INPP4B: variants seen among roughly 807,000 people sequenced by gnomAD.
INPP4B encodes inositol polyphosphate-4-phosphatase type II B.
In INPP4B, 55 loss-of-function variants were observed where a neutral mutation model predicts 122.5. The observed-to-expected ratio is 0.45, with a 90% CI of 0.36 to 0.56. The LOEUF is 0.56. Ranked by LOEUF, INPP4B falls within the 20% of genes least tolerant of loss-of-function variation. INPP4B has a pLI of 0.00. For synonymous variants in INPP4B, 403 were observed against 388.7 expected, an observed-to-expected ratio of 1.04 and a Z score of -0.43; for missense variants, 1,000 against 1,097.7, an observed-to-expected ratio of 0.91 and a Z score of 1.26.
intron 2 of INPP4B, among the ~76,000 whole-genome samples, chr4:142,682,267 C>G (rs945528633): frequency 2.0e-5 from 3 of 151,608 alleles, no homozygotes; most frequent in African/African-American, 7.3e-5. Flanking sequence ...TAATCTCTCC[C>G]TCTCTCTCCC....
intron 7 of INPP4B, among the ~76,000 whole-genome samples, chr4:142,340,882 C>T (rs980972509): frequency 1.3e-5 from 2 of 152,044 alleles, no homozygotes; most frequent in African/African-American, 4.8e-5. Flanking sequence ...TCTTTAAGTA[C>T]CATCTGGAGA....
chr4:142,180,996 G>A (rs986692404), intron 15 of INPP4B, among the ~76,000 whole-genome samples: 9 of 152,148 alleles, frequency 5.9e-5, no homozygotes, highest in Non-Finnish European at 1.3e-4. Flanking sequence ...CAAAAAACCA[G>A]GGGTACTCAA....
chr4:142,677,897 G>A (rs1355604088), intron 2 of INPP4B, among the ~76,000 whole-genome samples: 1 of 151,838 alleles, frequency 6.6e-6, no homozygotes, highest in African/African-American at 2.4e-5. Context: ...TGTAGATGAC[G>A]GGTTGATGGT....
At chr4:142,260,788 G>T (rs1257946101) in intron 10 of INPP4B, among the ~76,000 whole-genome samples, 2 of 152,022 alleles carry the variant, frequency 1.3e-5, no homozygotes, top group Non-Finnish European at 2.9e-5. Flanking sequence ...AATTGTAGAG[G>T]GTACTCAGGG....
At chr4:142,123,803 C>T (rs748517808) in intron 19 of INPP4B, among the ~76,000 whole-genome samples, 1 of 152,044 alleles carries the variant, frequency 6.6e-6, no homozygotes, top group African/African-American at 2.4e-5. Context: ...AATGACGAAA[C>T]ATGTATGTAT....
intron 7 of INPP4B, among the ~76,000 whole-genome samples, chr4:142,358,246 A>AT (rs1554042034): frequency 6.6e-6 from 1 of 151,966 alleles, no homozygotes; most frequent in Non-Finnish European, 1.5e-5. Flanking sequence ...TATCTGAGGA[A>AT]TTTTTTAAAA....
At chr4:142,833,631 G>T (rs1325044295) in intron 1 of INPP4B, among the ~76,000 whole-genome samples, 1 of 151,626 alleles carries the variant, frequency 6.6e-6, no homozygotes, top group Admixed American at 6.6e-5. Flanking sequence ...AGAATACAAT[G>T]ATTTTTTTTT....
At chr4:142,180,849 C>A (rs544184329) in intron 15 of INPP4B, among the ~76,000 whole-genome samples, 1 of 152,028 alleles carries the variant, frequency 6.6e-6, no homozygotes, top group African/African-American at 2.4e-5. Context: ...GACGTTCTCA[C>A]CTAATTAAAA....
chr4:142,496,252 G>T (rs953736089), intron 2 of INPP4B, among the ~76,000 whole-genome samples: 9 of 151,482 alleles, frequency 5.9e-5, no homozygotes, highest in Non-Finnish European at 1.3e-4. Flanking sequence ...TCTATCTTTT[G>T]CATGTTCATA....
intron 2 of INPP4B, among the ~76,000 whole-genome samples, chr4:142,527,214 G>A (rs946467381): frequency 1.3e-5 from 2 of 151,008 alleles, no homozygotes; most frequent in African/African-American, 4.9e-5. Context: ...CCCATCATAA[G>A]TAATATTATT....
At chr4:142,752,058 A>T (rs1275009705) in intron 1 of INPP4B, among the ~76,000 whole-genome samples, 4 of 152,098 alleles carry the variant, frequency 2.6e-5, no homozygotes, top group African/African-American at 9.7e-5. Context: ...GCCTTGTAAT[A>T]TATAAAGCTA....
intron 9 of INPP4B, among the ~76,000 whole-genome samples, chr4:142,294,664 T>C (rs1757808615): frequency 6.6e-6 from 1 of 150,814 alleles, no homozygotes; most frequent in South Asian, 2.1e-4. Context: ...ATAAAGGAAC[T>C]CTGATTTCAC....
At chr4:142,300,369 G>T (rs1211929919) in intron 9 of INPP4B, among the ~76,000 whole-genome samples, 1 of 152,114 alleles carries the variant, frequency 6.6e-6, no homozygotes, top group Non-Finnish European at 1.5e-5. Flanking sequence ...TTAAAAATAT[G>T]TGGAATTTTG....
intron 1 of INPP4B, among the ~76,000 whole-genome samples, chr4:142,756,944 T>C (rs1211326070): frequency 1.3e-5 from 2 of 152,170 alleles, no homozygotes; most frequent in Non-Finnish European, 2.9e-5. Flanking sequence ...GGAGTCCTAC[T>C]GGTTTTAACC....
chr4:142,189,367 A>G lies in INPP4B; in HGVS notation c.1181+3720T>C, dbSNP rs149125921. Among the ~76,000 whole-genome samples, 8 of 152,286 alleles carry G rather than the reference A, an allele frequency of 5.3e-5. No individual in the cohort carries two copies. In the East Asian group the frequency reaches 1.2e-3, roughly 22 times the overall value. ...ATATCTGATTTCTATGTGAATTCCAATGCCTGTTGTATTTGATCTATAGCA... is the reference window on the plus strand; with the variant it reads ...ATATCTGATTTCTATGTGAATTCCAGTGCCTGTTGTATTTGATCTATAGCA... On this transcript the variant is annotated intron_variant, in intron 15 of 25. Transcript: ENST00000262992.
chr4:142,671,870 A>C (rs1757050748), intron 2 of INPP4B, among the ~76,000 whole-genome samples: 1 of 152,194 alleles, frequency 6.6e-6, no homozygotes. Context: ...CAAGATATAG[A>C]ACAATTCCAT....
intron 5 of INPP4B, among the ~76,000 whole-genome samples, chr4:142,428,281 A>G (rs540981006): frequency 1.5e-4 from 23 of 151,338 alleles, no homozygotes; most frequent in Non-Finnish European, 2.5e-4. Flanking sequence ...AACTTTAGAA[A>G]ATATATATAT....
At position 142,813,546 on chromosome 4, in the gene INPP4B, T is replaced by C. The variant is rs145133226; in HGVS notation, c.-254+32663A>G. 2.5e-3 allele frequency among the ~76,000 whole-genome samples: 378 copies of C among 152,296 alleles called. 4 individuals are homozygous for C. Among genetic ancestry groups the C allele is most frequent in the East Asian group, 0.019 (96 of 5,180 alleles). ...AGAAATGGAATGATGTTCGGGGTTA[T>C]TCAATGGAGCTTTGCTCTATACTTT... On this transcript the variant is annotated intron_variant, in intron 1 of 25. Coordinates refer to ENST00000262992, the MANE Select transcript of INPP4B (RefSeq NM_001101669.3).
chr4:142,217,150 A>T (rs1341532056), intron 12 of INPP4B, among the ~76,000 whole-genome samples: 1 of 152,176 alleles, frequency 6.6e-6, no homozygotes, highest in Non-Finnish European at 1.5e-5. Flanking sequence ...GGGGCAAAAA[A>T]ACAAAAACAA....
Sources: gnomAD v4.1 joint callset for allele counts (sites outside exome capture counted in the v4.1 genomes callset) on GRCh38, gnomAD v4.1.1 for gene constraint, MANE v1.5 for transcripts, NCBI Gene and HGNC (gene_info 2026-07-23, HGNC 2026-07-21) for gene names.